Variants in DOCK2 observed in about 807,000 individuals in gnomAD.
DOCK2 encodes dedicator of cytokinesis 2, also known as dedicator of cytokinesis protein 2.
A neutral mutation model predicts 248.9 loss-of-function variants in DOCK2; 87 were observed. The ratio of observed to expected loss-of-function variants is 0.35; its 90% confidence interval spans 0.29 to 0.42. The LOEUF (loss-of-function observed/expected upper bound fraction) is 0.42. Among genes scored for constraint, DOCK2 ranks in the 10% least tolerant of loss-of-function variants. The pLI, the probability that DOCK2 is intolerant of heterozygous loss-of-function variation, is 1.00. For synonymous variants in DOCK2, 805 were observed against 821.6 expected (o/e 0.98, Z 0.35); for missense variants, 1,747 against 2,300.2 (o/e 0.76, Z 4.92).
chr5:169,761,869 T>C (rs544525044), intron 25 of DOCK2, among the ~76,000 whole-genome samples: 1 of 151,520 alleles, frequency 6.6e-6, no homozygotes, highest in South Asian at 2.1e-4. Flanking sequence ...TTTAATGAGG[T>C]TTTTTTTTCC....
At chr5:169,783,682 GA>G (rs528849679) in intron 25 of DOCK2, among the ~76,000 whole-genome samples, 126 of 152,028 alleles carry the variant, frequency 8.3e-4, no homozygotes, top group African/African-American at 2.7e-3. Flanking sequence ...TATCAAGATA[GA>G]AAAAAAGCTA....
At chr5:169,779,659 TG>T (rs1479932193) in intron 25 of DOCK2, among the ~76,000 whole-genome samples, 2 of 152,218 alleles carry the variant, frequency 1.3e-5, no homozygotes, top group African/African-American at 4.8e-5. Flanking sequence ...GCCATCTCCC[TG>T]TCCGTCTCTG....
intron 23 of DOCK2, among the ~76,000 whole-genome samples, chr5:169,750,870 T>G (rs181140823): frequency 1.1e-4 from 16 of 152,256 alleles, no homozygotes; most frequent in East Asian, 7.7e-4. Flanking sequence ...AGGGCAGAGG[T>G]GTCAAGCCCA....
chr5:169,810,714 T>C (rs1364758561), intron 26 of DOCK2, among the ~76,000 whole-genome samples: 6 of 152,174 alleles, frequency 3.9e-5, no homozygotes, highest in Non-Finnish European at 5.9e-5. Context: ...TGGGGGATTT[T>C]CCTGCTTCCT....
At chr5:169,645,608 A>G (rs570783272) in intron 1 of DOCK2, among the ~76,000 whole-genome samples, 1 of 152,276 alleles carries the variant, frequency 6.6e-6, no homozygotes, top group East Asian at 1.9e-4. Flanking sequence ...TGCTGTGCAG[A>G]AACTCTTCAG....
At chr5:169,945,992 C>T (rs574746244) in intron 27 of DOCK2, among the ~76,000 whole-genome samples, 8 of 152,244 alleles carry the variant, frequency 5.3e-5, no homozygotes, top group Admixed American at 2.6e-4. Flanking sequence ...TGCAACACCC[C>T]GGTGCCATCC....
intron 46 of DOCK2, chr5:170,075,644 A>T (rs12518125): frequency 1.0e-5 from 3 of 290,440 alleles, no homozygotes; most frequent in African/African-American, 6.5e-5. Context: ...TCTGCCCCCA[A>T]GTAGATTCTT....
chr5:169,921,063 A>G (rs1051703926), intron 27 of DOCK2, among the ~76,000 whole-genome samples: 1 of 152,204 alleles, frequency 6.6e-6, no homozygotes, highest in Non-Finnish European at 1.5e-5. Context: ...CCTTCTGGAA[A>G]TTCTTTTAAA....
Position 169,714,162 on chromosome 5 carries a change from T to G in DOCK2, c.1794T>G (p.Asp598Glu). The change falls in exon 18 of 52, where the codon GAT becomes GAG. Residue 598 changes from aspartate to glutamate, a missense_variant. Coordinates refer to ENST00000520908, the MANE Select transcript of DOCK2 (RefSeq NM_004946.3). ...SVGGLSVSSRDVFSISTLVCS... is the reference protein window; with the variant it reads ...SVGGLSVSSREVFSISTLVCS... ...GGGGGCTTTCTGTCAGCTCCCGGGA[T>G]GTGTTCTCCATTTCCACCCTGGTGT... 1 of 1,613,402 alleles carries G rather than the reference T, an allele frequency of 6.2e-7. No homozygotes were observed.
intron 29 of DOCK2, among the ~76,000 whole-genome samples, chr5:169,995,133 A>T (rs1241052699): frequency 6.7e-6 from 1 of 150,038 alleles, no homozygotes; most frequent in Non-Finnish European, 1.5e-5. Context: ...GGTTCAAGGG[A>T]TCCTCATGCC....
chr5:169,719,243 A>C (rs1193226192), intron 22 of DOCK2, among the ~76,000 whole-genome samples: 1 of 152,236 alleles, frequency 6.6e-6, no homozygotes. Flanking sequence ...GTAGCCAAAA[A>C]GTGAGCTGAT....
At chr5:169,902,131 A>G (rs1262507740) in intron 27 of DOCK2, among the ~76,000 whole-genome samples, 2 of 152,220 alleles carry the variant, frequency 1.3e-5, no homozygotes, top group African/African-American at 4.8e-5. Context: ...GCCATCTATC[A>G]GAAATACCAC....
rs149030214 is a variant in DOCK2 at position 169,977,453 on chromosome 5, G to A, written c.2800-5615G>A. Among the ~76,000 whole-genome samples the A allele has an allele frequency of 3.0e-3, 454 of 152,270 alleles. 6 individuals are homozygous for A. The highest frequency in any genetic ancestry group is 1.1e-3 in the Non-Finnish European group (74 of 68,008). On this transcript the variant is annotated intron_variant, in intron 27 of 51. Coordinates refer to ENST00000520908, the MANE Select transcript of DOCK2 (RefSeq NM_004946.3). ...TAGCTGCTATTATCGAGGGCTTTCC[G>A]TATTCTAAGTCCTTTACACAAATTA...
chr5:169,690,880 C>A (rs1194038655), intron 9 of DOCK2, among the ~76,000 whole-genome samples: 1 of 152,142 alleles, frequency 6.6e-6, no homozygotes, highest in Non-Finnish European at 1.5e-5. Flanking sequence ...GAGTTGAGAG[C>A]CTTGGTTGAC....
At chr5:170,005,296 TTC>T (rs1481383195) in intron 30 of DOCK2, among the ~76,000 whole-genome samples, 4 of 152,170 alleles carry the variant, frequency 2.6e-5, no homozygotes. Flanking sequence ...TTTGAAGAAT[TTC>T]TGTGACAATA....
At chr5:169,944,563 C>G (rs1179561727) in intron 27 of DOCK2, among the ~76,000 whole-genome samples, 1 of 152,224 alleles carries the variant, frequency 6.6e-6, no homozygotes, top group Non-Finnish European at 1.5e-5. Context: ...GAATCCCAGC[C>G]ATCCCTTATG....
chr5:169,674,345 C>A lies in DOCK2; in HGVS notation c.370C>A (p.Leu124Met). Residue 124 changes from leucine (L) to methionine (M), a missense_variant, in exon 6 of 52, where the codon CTG becomes ATG. By Grantham distance (15) the Leu-to-Met change is conservative (BLOSUM62 2). Around this residue, in one of 4 missense-constraint regions of DOCK2, gnomAD observed 375 missense variants for 510.9 expected, o/e 0.73. Coordinates refer to ENST00000520908, the MANE Select transcript of DOCK2 (RefSeq NM_004946.3). ...CCAGGTGCAGTCCATGATGTACGAT[C>A]TGATGGAGTGGAGGTCCCAGCTTCT... ...FLQVQSMMYDLMEWRSQLLSG... is the reference protein window; with the variant it reads ...FLQVQSMMYDMMEWRSQLLSG... 6.2e-7 allele frequency: 1 copy of A among 1,614,160 alleles called. No homozygotes were observed. Among genetic ancestry groups the A allele is most frequent in the Non-Finnish European group, 8.5e-7 (1 of 1,180,002 alleles).
intron 14 of DOCK2, chr5:169,703,805 G>A (rs1210863119): frequency 6.6e-6 from 1 of 152,190 alleles, no homozygotes; most frequent in East Asian, 1.9e-4. Flanking sequence ...GTTTTTATCT[G>A]AAAGGGAAAT....
intron 1 of DOCK2, among the ~76,000 whole-genome samples, chr5:169,641,448 T>C (rs1345864275): frequency 6.6e-6 from 1 of 152,220 alleles, no homozygotes; most frequent in Non-Finnish European, 1.5e-5. Context: ...CTGACAGATT[T>C]GGCGTGGGCA....
Sources: allele counts gnomAD v4.1 joint callset (sites outside exome capture counted in the v4.1 genomes callset), GRCh38; gene constraint gnomAD v4.1.1; regional missense constraint gnomAD v4.1.1; transcripts MANE v1.5; gene names NCBI Gene and HGNC (gene_info 2026-07-23, HGNC 2026-07-21).